The following IL12RB2 variants were observed in gnomAD, a reference collection of about 807,000 sequenced individuals.
IL12RB2 encodes the protein interleukin 12 receptor subunit beta 2.
In IL12RB2, 82 loss-of-function variants were observed where a neutral mutation model predicts 89.4. The ratio of observed to expected loss-of-function variants is 0.92; its 90% CI spans 0.77 to 1.10. The LOEUF is 1.10. Among genes scored for constraint, IL12RB2 ranks in the 50% least tolerant of loss-of-function variants. IL12RB2 has a pLI of 0.00. For missense variants in IL12RB2, 963 were observed against 1,031.9 expected (o/e 0.93, Z 0.92); for synonymous variants, 368 against 370.1 (o/e 0.99, Z 0.07).
chr1:67,320,420 T>G lies in IL12RB2; in HGVS notation c.52T>G (p.Trp18Gly), dbSNP rs751550346. 6.2e-7 allele frequency: 1 copy of G among 1,613,958 alleles called. No homozygotes were observed. Residue 18 changes from tryptophan to glycine, a missense_variant, in exon 3 of 17, where the codon TGG (tryptophan) becomes GGG (glycine). Physicochemically the swap from Trp to Gly is radical, Grantham distance 184. Transcript: ENST00000674203. Reference protein sequence around the residue: ...CSLAFMFIITWLLIKAKIDAC... With the variant: ...CSLAFMFIITGLLIKAKIDAC... ...ATTGGCATTTATGTTTATAATCACG[T>G]GGCTGTTGATTAAAGCAAAAATAGG... is the stretch of plus-strand genomic sequence containing the variant.
chr1:67,380,150 GT>G, intron 14 of IL12RB2, 27 bp downstream of exon 14: 1 of 1,612,466 alleles, frequency 6.2e-7, no homozygotes. Context: ...AGGATGATGA[GT>G]CCACCCTGGA....
intron 11 of IL12RB2, among the ~76,000 whole-genome samples, chr1:67,370,295 C>G (rs922094897): frequency 6.6e-6 from 1 of 152,052 alleles, no homozygotes; most frequent in African/African-American, 2.4e-5. Context: ...GAATACAGCC[C>G]GGCTCCTGAT....
At chr1:67,369,314 G>A (rs1557455572) in intron 11 of IL12RB2, among the ~76,000 whole-genome samples, 1 of 152,214 alleles carries the variant, frequency 6.6e-6, no homozygotes, top group Non-Finnish European at 1.5e-5. Flanking sequence ...CTTGACGGCT[G>A]TTGCTGGTTT....
At chr1:67,373,553 A>G (rs1663606848) in intron 13 of IL12RB2, among the ~76,000 whole-genome samples, 1 of 152,232 alleles carries the variant, frequency 6.6e-6, no homozygotes, top group Admixed American at 6.5e-5. Flanking sequence ...TTATGGCCCA[A>G]AATTATTCTA....
chr1:67,382,715 T>TTTC (rs1373611116), intron 14 of IL12RB2, among the ~76,000 whole-genome samples: 7 of 151,288 alleles, frequency 4.6e-5, no homozygotes, highest in African/African-American at 1.7e-4. Flanking sequence ...TACATTTTTT[T>TTTC]TTTTTTTTGA....
chr1:67,338,400 A>AT (rs1161640820), intron 8 of IL12RB2, among the ~76,000 whole-genome samples: 19 of 136,242 alleles, frequency 1.4e-4, no homozygotes, highest in Admixed American at 2.3e-4. Flanking sequence ...ATTCCTCATC[A>AT]TTTTTTTTTA....
intron 10 of IL12RB2, among the ~76,000 whole-genome samples, chr1:67,358,028 CAG>C (rs982944365): frequency 2.0e-5 from 3 of 151,320 alleles, no homozygotes; most frequent in African/African-American, 7.3e-5. Context: ...GGAAAGGCCT[CAG>C]AGTGCTAAAC....
intron 10 of IL12RB2, among the ~76,000 whole-genome samples, chr1:67,356,798 C>T (rs1184828928): frequency 6.6e-6 from 1 of 152,036 alleles, no homozygotes; most frequent in East Asian, 1.9e-4. Flanking sequence ...AACATGATCC[C>T]AAAAGAAAAC....
intron 16 of IL12RB2, among the ~76,000 whole-genome samples, chr1:67,391,019 C>A (rs962458926): frequency 6.6e-6 from 1 of 152,132 alleles, no homozygotes; most frequent in African/African-American, 2.4e-5. Context: ...AAGAGTGGAT[C>A]CCAGCCACAG....
At position 67,350,962 on chromosome 1, in the gene IL12RB2, C is replaced by A. The variant is rs752107952; in HGVS notation, c.1131C>A (p.Ile377=). 6.2e-7 allele frequency: 1 copy of A among 1,614,156 alleles called. No individual in the cohort carries two copies. Among genetic ancestry groups the A allele is most frequent in the South Asian group, 1.1e-5 (1 of 91,080 alleles). The part of the protein sequence containing the change: ...LTGGKAMTQN[I]TGHTSWTTVI... ...GAGGGAAAGCCATGACACAGAACAT[C>A]ACAGGACACACCTCCTGGACCACAG... Residue 377 remains isoleucine, a synonymous_variant, in exon 10 of 17, where the codon ATC becomes ATA. Coordinates refer to ENST00000674203, the MANE Select transcript of IL12RB2 (RefSeq NM_001374259.2).
intron 13 of IL12RB2, among the ~76,000 whole-genome samples, chr1:67,379,423 T>C (rs369629720): frequency 3.4e-5 from 5 of 146,862 alleles, no homozygotes; most frequent in Non-Finnish European, 7.4e-5. Context: ...GGCAGGAGAA[T>C]TGCTTGAACC....
chr1:67,361,860 T>G (rs1471689231), intron 10 of IL12RB2, among the ~76,000 whole-genome samples: 1 of 152,050 alleles, frequency 6.6e-6, no homozygotes, highest in East Asian at 1.9e-4. Context: ...AAACTGTACC[T>G]ACATACATCA....
chr1:67,316,928 G>T (rs1197855587), intron 2 of IL12RB2, among the ~76,000 whole-genome samples: 1 of 152,118 alleles, frequency 6.6e-6, no homozygotes, highest in African/African-American at 2.4e-5. Flanking sequence ...TCTACTCCAG[G>T]ATGTTGTTTC....
At chr1:67,365,635 T>C (rs914502587) in intron 10 of IL12RB2, among the ~76,000 whole-genome samples, 3 of 152,090 alleles carry the variant, frequency 2.0e-5, no homozygotes, top group African/African-American at 7.2e-5. Flanking sequence ...CATGATGATA[T>C]GAAACTTGGT....
intron 13 of IL12RB2, 127 bp from the exon 14 acceptor site, chr1:67,379,859 T>C (rs1316188350): frequency 1.3e-6 from 1 of 796,774 alleles, no homozygotes; most frequent in Non-Finnish European, 2.1e-6. Flanking sequence ...ATTTGGACTA[T>C]TTTAAAATAG....
intron 4 of IL12RB2, among the ~76,000 whole-genome samples, chr1:67,323,141 G>GATATAT (rs61052076): frequency 2.6e-5 from 4 of 151,516 alleles, no homozygotes; most frequent in African/African-American, 4.9e-5. Flanking sequence ...GACCTATAAG[G>GATATAT]ATATATATAT....
intron 5 of IL12RB2, 106 bp downstream of exon 5, chr1:67,326,955 A>ATTTC (rs1657398798): frequency 1.3e-6 from 1 of 749,346 alleles, no homozygotes; most frequent in African/African-American, 2.3e-5. Context: ...TTATTTATTT[A>ATTTC]TTTATTTATT....
intron 3 of IL12RB2, among the ~76,000 whole-genome samples, chr1:67,320,744 T>C (rs1370701297): frequency 6.6e-6 from 1 of 152,064 alleles, no homozygotes. Context: ...TTTTCTTTTC[T>C]TTTTTTTATT....
At chr1:67,386,504 C>G (rs1046187305) in intron 14 of IL12RB2, 75 bp from the exon 15 acceptor site, 1 of 975,458 alleles carries the variant, frequency 1.0e-6, no homozygotes. Flanking sequence ...GCCCAGAGGG[C>G]GCATACACCA....
Sources: allele counts gnomAD v4.1 joint callset (sites outside exome capture counted in the v4.1 genomes callset), GRCh38; gene constraint gnomAD v4.1.1; transcripts MANE v1.5; gene names NCBI Gene and HGNC (gene_info 2026-07-23, HGNC 2026-07-21).